The following TAF4B variants were observed in gnomAD, a reference collection of about 807,000 sequenced individuals.
TAF4B encodes TATA-box binding protein associated factor 4b.
In TAF4B, 38 loss-of-function variants were observed where a neutral mutation model predicts 86.4. The ratio of observed to expected loss-of-function variants is 0.44; its 90% CI spans 0.34 to 0.58. TAF4B has a LOEUF of 0.58. Ranked by LOEUF, TAF4B falls within the 20% of genes least tolerant of loss-of-function variation. The pLI is 0.02. For missense variants in TAF4B, 988 were observed against 1,027.6 expected, an observed-to-expected ratio of 0.96 and a Z score of 0.53; for synonymous variants, 388 against 391.2, an observed-to-expected ratio of 0.99 and a Z score of 0.10.
intron 12 of TAF4B, among the ~76,000 whole-genome samples, chr18:26,331,076 C>G (rs2144691625): frequency 6.6e-6 from 1 of 152,302 alleles, no homozygotes; most frequent in Non-Finnish European, 1.5e-5. Context: ...TGTCACTGTG[C>G]TGCTTCCTGC....
intron 6 of TAF4B, among the ~76,000 whole-genome samples, chr18:26,283,765 C>T (rs1015963538): frequency 3.9e-5 from 6 of 152,074 alleles, no homozygotes; most frequent in African/African-American, 9.7e-5. Flanking sequence ...GAAAATCTGT[C>T]GTTGGCCAGG....
intron 7 of TAF4B, 86 bp downstream of exon 7, chr18:26,286,585 T>TA: frequency 7.1e-7 from 1 of 1,402,472 alleles, no homozygotes; most frequent in Non-Finnish European, 9.6e-7. Flanking sequence ...AGAAAACTAG[T>TA]AAGGCTATAT....
intron 9 of TAF4B, among the ~76,000 whole-genome samples, chr18:26,311,936 G>A (rs766818559): frequency 6.6e-6 from 1 of 152,178 alleles, no homozygotes; most frequent in Non-Finnish European, 1.5e-5. Context: ...AAAAGCTAAA[G>A]AATTAGATCA....
At position 26,282,856 on chromosome 18, in the gene TAF4B, AT is replaced by A. The variant is rs569867225; in HGVS notation, c.972+799del. Among the ~76,000 whole-genome samples the A allele has an allele frequency of 7.7e-4, 117 of 152,322 alleles. 2 individuals carry two copies. The East Asian group carries it at 0.022, about 28-fold the overall frequency. On this transcript the variant is annotated intron_variant, in intron 6 of 14. Transcript: ENST00000269142. ...AATTCTTTGTTACCATCCTAACAAC[AT>A]TTATAGCATTTGACCAGGGGTAGAC... is the stretch of plus-strand genomic sequence containing the variant.
At chr18:26,228,769 C>T (rs1436004885) in intron 1 of TAF4B, among the ~76,000 whole-genome samples, 3 of 152,026 alleles carry the variant, frequency 2.0e-5, no homozygotes, top group Non-Finnish European at 2.9e-5. Flanking sequence ...TGTTCCTCCC[C>T]ATCCCTCCCC....
chr18:26,347,417 GAACCA>G (rs138493097), intron 13 of TAF4B, among the ~76,000 whole-genome samples: 2,928 of 152,054 alleles, frequency 0.019, 79 homozygotes, highest in African/African-American at 0.067. Flanking sequence ...CTCACTGGTA[GAACCA>G]ATACAGAAAA....
chr18:26,250,765 A>C (rs1280490141), intron 1 of TAF4B, among the ~76,000 whole-genome samples: 1 of 152,176 alleles, frequency 6.6e-6, no homozygotes, highest in Non-Finnish European at 1.5e-5. Flanking sequence ...AAGACCAACA[A>C]ATATGGAAAG....
chr18:26,259,944 T>C (rs548804546), intron 1 of TAF4B, among the ~76,000 whole-genome samples: 23 of 152,326 alleles, frequency 1.5e-4, no homozygotes, highest in Admixed American at 1.4e-3. Context: ...CTCCAGCACC[T>C]GTTGTTTCCT....
intron 5 of TAF4B, among the ~76,000 whole-genome samples, chr18:26,279,022 C>A (rs1259268407): frequency 2.0e-5 from 3 of 151,172 alleles, no homozygotes; most frequent in African/African-American, 4.9e-5. Context: ...GAAGTTGTAG[C>A]CAGAGCAGTC....
intron 14 of TAF4B, among the ~76,000 whole-genome samples, chr18:26,379,213 G>A (rs909884982): frequency 2.0e-5 from 3 of 151,926 alleles, no homozygotes; most frequent in Non-Finnish European, 4.4e-5. Flanking sequence ...TAATTTTGAC[G>A]AAGTCCAATT....
chr18:26,361,491 A>G (rs2057329842), intron 14 of TAF4B, among the ~76,000 whole-genome samples: 1 of 151,694 alleles, frequency 6.6e-6, no homozygotes, highest in Non-Finnish European at 1.5e-5. Flanking sequence ...CACACCTGTA[A>G]TCCCAGCACA....
At chr18:26,335,344 T>C in intron 13 of TAF4B, 113 bp downstream of exon 13, 2 of 894,178 alleles carry the variant, frequency 2.2e-6, no homozygotes, top group South Asian at 1.5e-5. Flanking sequence ...TGCAGAAGCC[T>C]TGGGGAAGGA....
chr18:26,231,133 G>A (rs757136021), intron 1 of TAF4B, among the ~76,000 whole-genome samples: 4 of 138,486 alleles, frequency 2.9e-5, no homozygotes, highest in African/African-American at 1.1e-4. Flanking sequence ...TTTGCCTCCC[G>A]GGTTCAAGCG....
intron 9 of TAF4B, among the ~76,000 whole-genome samples, chr18:26,308,879 C>CAAAAAA (rs71169847): frequency 0.011 from 911 of 80,292 alleles, 24 homozygotes; most frequent in African/African-American, 0.043. Context: ...GACTCTGTCT[C>CAAAAAA]AAAAAAAAAA....
chr18:26,385,735 C>T (rs1367168113), intron 14 of TAF4B, among the ~76,000 whole-genome samples: 2 of 142,358 alleles, frequency 1.4e-5, no homozygotes, highest in South Asian at 2.5e-4. Context: ...GGGCCCTTAA[C>T]CACATTAGTA....
intron 9 of TAF4B, among the ~76,000 whole-genome samples, chr18:26,308,856 G>C (rs2056823993): frequency 1.4e-5 from 2 of 140,930 alleles, no homozygotes; most frequent in Admixed American, 1.5e-4. Context: ...TGGCAGCCTG[G>C]GCAACAGAGT....
At chr18:26,242,669 C>A (rs971520456) in intron 1 of TAF4B, among the ~76,000 whole-genome samples, 9 of 152,204 alleles carry the variant, frequency 5.9e-5, no homozygotes, top group Non-Finnish European at 1.3e-4. Context: ...GATGCAGTTT[C>A]TTCCTAGCAT....
chr18:26,278,697 C>T (rs144959301), intron 5 of TAF4B, among the ~76,000 whole-genome samples: 124 of 151,544 alleles, frequency 8.2e-4, no homozygotes, highest in African/African-American at 2.6e-3. Context: ...CCTTTCTTAC[C>T]GGTAGTTTTA....
At chr18:26,304,803 C>T (rs1045938978) in intron 9 of TAF4B, 4 of 985,130 alleles carry the variant, frequency 4.1e-6, no homozygotes, top group Non-Finnish European at 4.8e-6. Flanking sequence ...ATGAAAATGT[C>T]TTATGCTGTG....
Sources: gnomAD v4.1 joint callset for allele counts (sites outside exome capture counted in the v4.1 genomes callset) on GRCh38, gnomAD v4.1.1 for gene constraint, MANE v1.5 for transcripts, NCBI Gene and HGNC (gene_info 2026-07-23, HGNC 2026-07-21) for gene names.